The following YAE1 variants were observed in gnomAD, a reference collection of about 807,000 sequenced individuals.
YAE1 encodes the protein YAE1 maturation factor of ABCE1, also known as protein YAE1 homolog.
A neutral mutation model predicts 23.0 loss-of-function variants in YAE1; 22 were observed. The ratio of observed to expected loss-of-function variants is 0.96; its 90% CI spans 0.68 to 1.37. The LOEUF is 1.37. Among genes scored for constraint, YAE1 ranks in the 40% most tolerant of loss-of-function variants. YAE1 has a pLI of 0.00. For synonymous variants in YAE1, 101 were observed against 97.0 expected, an observed-to-expected ratio of 1.04 and a Z score of -0.24; for missense variants, 260 against 262.1, an observed-to-expected ratio of 0.99 and a Z score of 0.06.
intron 2 of YAE1, among the ~76,000 whole-genome samples, chr7:39,579,395 G>A (rs1790708303): frequency 6.6e-6 from 1 of 152,144 alleles, no homozygotes; most frequent in South Asian, 2.1e-4. Flanking sequence ...TGAGCTATGT[G>A]TTTACTTTGC....
In YAE1 at chr7:39,566,478, T is replaced by C. The variant is rs1345864383; in HGVS notation, c.60T>C (p.Phe20=). Residue 20 remains phenylalanine, a synonymous_variant, in exon 1 of 3, where the codon TTT becomes TTC. Coordinates refer to ENST00000223273, the MANE Select transcript of YAE1 (RefSeq NM_020192.5). ...GCCCTGGAGACAAAGGGGACGTGTTTGACGAAGAAGCAGACGAGTCGCTCC... is the reference window on the plus strand; with the variant it reads ...GCCCTGGAGACAAAGGGGACGTGTTCGACGAAGAAGCAGACGAGTCGCTCC... The part of the protein sequence containing the change: ...IQGPGDKGDV[F]DEEADESLLA... The C allele has an allele frequency of 6.2e-7, 1 of 1,614,164 alleles. No individual in the cohort carries two copies. The highest frequency in any genetic ancestry group is 8.5e-7 in the Non-Finnish European group (1 of 1,180,012).
At chr7:39,594,704 C>T (rs1199775548) in intron 2 of YAE1, among the ~76,000 whole-genome samples, 1 of 151,932 alleles carries the variant, frequency 6.6e-6, no homozygotes, top group Non-Finnish European at 1.5e-5. Context: ...AAGCAATTCT[C>T]CCTCCTCAGC....
downstream of YAE1, among the ~76,000 whole-genome samples, chr7:39,576,867 C>T (rs1286548231): frequency 1.3e-5 from 2 of 152,120 alleles, no homozygotes; most frequent in Non-Finnish European, 2.9e-5. Flanking sequence ...CAAAATACAT[C>T]GTGTTACATT....
intron 2 of YAE1, among the ~76,000 whole-genome samples, chr7:39,584,871 C>T (rs967999482): frequency 6.6e-6 from 1 of 152,134 alleles, no homozygotes; most frequent in Non-Finnish European, 1.5e-5. Context: ...CAACAAAAAT[C>T]ATGCAATTTA....
At chr7:39,602,343 G>C (rs1036680744) in intron 2 of YAE1, among the ~76,000 whole-genome samples, 1 of 152,186 alleles carries the variant, frequency 6.6e-6, no homozygotes, top group African/African-American at 2.4e-5. Context: ...ACACAATGTG[G>C]CTTCCTTAAT....
intron 2 of YAE1, among the ~76,000 whole-genome samples, chr7:39,594,891 C>T (rs570807178): frequency 5.9e-5 from 9 of 152,184 alleles, no homozygotes; most frequent in Non-Finnish European, 1.3e-4. Flanking sequence ...CCACCGTGCC[C>T]AGCCAGAACC....
At chr7:39,570,286 C>T (rs565849952) in intron 1 of YAE1, 6 of 660,934 alleles carry the variant, frequency 9.1e-6, no homozygotes, top group East Asian at 8.4e-5. Flanking sequence ...TAAAAATTGC[C>T]CGGTAACTCT....
intron 2 of YAE1, among the ~76,000 whole-genome samples, chr7:39,594,501 A>G (rs940754682): frequency 6.6e-6 from 1 of 152,012 alleles, no homozygotes; most frequent in African/African-American, 2.4e-5. Flanking sequence ...GTCCCTTCTC[A>G]ATGCCTTCAT....
chr7:39,595,102 C>T (rs148179049), intron 2 of YAE1, among the ~76,000 whole-genome samples: 3 of 151,854 alleles, frequency 2.0e-5, no homozygotes, highest in African/African-American at 7.3e-5. Context: ...CTAACTTCTC[C>T]GCTGAAAAAA....
chr7:39,609,207 C>G (rs1381088741), intron 2 of YAE1, among the ~76,000 whole-genome samples: 1 of 152,098 alleles, frequency 6.6e-6, no homozygotes, highest in Non-Finnish European at 1.5e-5. Context: ...ACTGGAGGCC[C>G]CCAGGGGAAG....
chr7:39,577,942 C>T (rs1293313826), intron 2 of YAE1, among the ~76,000 whole-genome samples: 1 of 151,960 alleles, frequency 6.6e-6, no homozygotes, highest in Non-Finnish European at 1.5e-5. Flanking sequence ...GTGTCTAGCT[C>T]GAGGTTTGTA....
intron 2 of YAE1, among the ~76,000 whole-genome samples, chr7:39,603,263 C>T (rs1234966744): frequency 1.3e-5 from 2 of 152,186 alleles, no homozygotes; most frequent in African/African-American, 2.4e-5. Flanking sequence ...GTCAGCCTCC[C>T]GAGTAGCTGG....
At chr7:39,609,766 T>C in exon 3 of YAE1, 1 of 1,534,130 alleles carries the variant, frequency 6.5e-7, no homozygotes, top group Non-Finnish European at 8.7e-7. Context: ...GAGGCGACGC[T>C]GCTGAGCCTG....
chr7:39,570,465 A>T (rs984807127), intron 1 of YAE1, 41 bp from the exon 2 acceptor site: 1 of 1,600,086 alleles, frequency 6.2e-7, no homozygotes. Context: ...CTACATGTAT[A>T]TACTTAGTTA....
chr7:39,576,457 C>T (rs1790658079), downstream of YAE1, among the ~76,000 whole-genome samples: 1 of 152,226 alleles, frequency 6.6e-6, no homozygotes, highest in Admixed American at 6.5e-5. Context: ...CCACCTGCCT[C>T]TTTCCATTCA....
At chr7:39,606,974 G>C (rs1014902059) in intron 2 of YAE1, among the ~76,000 whole-genome samples, 8 of 152,270 alleles carry the variant, frequency 5.3e-5, no homozygotes, top group African/African-American at 1.9e-4. Context: ...CTTTATACCA[G>C]TGCAAATTGA....
chr7:39,588,252 C>T (rs1382064205), intron 2 of YAE1, among the ~76,000 whole-genome samples: 1 of 152,222 alleles, frequency 6.6e-6, no homozygotes, highest in Admixed American at 6.5e-5. Flanking sequence ...TGGCTCACGC[C>T]TGTAATCCCA....
rs200483994 is a variant in YAE1 at position 39,603,146 on chromosome 7, A to G, written c.252-6471A>G. ...AGCAGAGCATGTGATGAGTTTGTTT[A>G]TTTGTTTGTTTGTTTGTTTTTGAGA... On this transcript the variant is annotated intron_variant, in intron 2 of 2. Transcript: ENST00000432096. Among the ~76,000 whole-genome samples, 17 of 151,082 alleles carry G rather than the reference A, an allele frequency of 1.1e-4. No homozygotes were observed. The South Asian group carries it at 1.3e-3, about 11-fold the overall frequency.
At chr7:39,577,067 T>G (rs185975630), downstream of YAE1, among the ~76,000 whole-genome samples, 9 of 152,214 alleles carry the variant, frequency 5.9e-5, no homozygotes, top group East Asian at 1.5e-3. Flanking sequence ...GCTAATTTTT[T>G]GTATTTTTAG....
Sources: allele counts gnomAD v4.1 joint callset (sites outside exome capture counted in the v4.1 genomes callset), GRCh38; gene constraint gnomAD v4.1.1; transcripts MANE v1.5; gene names NCBI Gene and HGNC (gene_info 2026-07-23, HGNC 2026-07-21).